MSI2: variants seen among roughly 807,000 people sequenced by gnomAD.
MSI2 encodes the protein musashi RNA binding protein 2, also known as RNA-binding protein Musashi homolog 2.
A neutral mutation model predicts 45.6 loss-of-function variants in MSI2; 17 were observed. The ratio of observed to expected loss-of-function variants is 0.37; its 90% CI spans 0.26 to 0.56. The LOEUF (loss-of-function observed/expected upper bound fraction) is 0.56, where lower values mean the gene tolerates loss of function less well. MSI2 is among the 20% of genes least tolerant of loss of function. The pLI is 0.77. For missense variants in MSI2, 293 were observed against 444.2 expected (o/e 0.66, Z 3.06); for synonymous variants, 156 against 158.2 (o/e 0.99, Z 0.11).
At chr17:57,357,969 T>G (rs1166850745) in intron 5 of MSI2, among the ~76,000 whole-genome samples, 2 of 152,192 alleles carry the variant, frequency 1.3e-5, no homozygotes, top group African/African-American at 4.8e-5. Context: ...TGAGGTCTTG[T>G]GGTCACACAC....
chr17:57,581,688 C>T (rs1302067493), intron 7 of MSI2, among the ~76,000 whole-genome samples: 2 of 152,154 alleles, frequency 1.3e-5, no homozygotes, highest in African/African-American at 4.8e-5. Context: ...TGCTCCAGAT[C>T]CCCAGGGCTG....
chr17:57,370,733 C>G (rs539936575), intron 5 of MSI2, among the ~76,000 whole-genome samples: 1 of 152,304 alleles, frequency 6.6e-6, no homozygotes, highest in South Asian at 2.1e-4. Context: ...AGGGATCATG[C>G]TGGGAAAGTT....
intron 5 of MSI2, among the ~76,000 whole-genome samples, chr17:57,323,167 C>T (rs1567756832): frequency 2.6e-5 from 4 of 152,016 alleles, no homozygotes; most frequent in African/African-American, 7.3e-5. Flanking sequence ...AGCAGCTGAC[C>T]CCAAGATTCC....
At chr17:57,420,103 G>A (rs1285475061) in intron 6 of MSI2, among the ~76,000 whole-genome samples, 2 of 152,186 alleles carry the variant, frequency 1.3e-5, no homozygotes, top group Non-Finnish European at 2.9e-5. Context: ...CCATCTGCTG[G>A]GTCCTGGGGT....
chr17:57,646,498 G>A (rs1014904282), intron 10 of MSI2, among the ~76,000 whole-genome samples: 13 of 152,210 alleles, frequency 8.5e-5, no homozygotes, highest in Non-Finnish European at 2.9e-5. Flanking sequence ...CCTCCCCGCA[G>A]ACAAGCTCAA....
intron 5 of MSI2, among the ~76,000 whole-genome samples, chr17:57,372,992 T>C (rs951049577): frequency 3.9e-5 from 6 of 152,214 alleles, no homozygotes; most frequent in African/African-American, 1.4e-4. Flanking sequence ...CTCACGACTG[T>C]AATCCCGACA....
intron 10 of MSI2, chr17:57,632,229 TG>T: frequency 9.1e-7 from 1 of 1,102,432 alleles, no homozygotes; most frequent in Non-Finnish European, 1.1e-6. Context: ...AGCTTTGAAG[TG>T]CTGGTGGTCC....
At chr17:57,519,719 C>T (rs969568991) in intron 6 of MSI2, among the ~76,000 whole-genome samples, 2 of 152,144 alleles carry the variant, frequency 1.3e-5, no homozygotes, top group African/African-American at 4.8e-5. Context: ...TTGGTTCATC[C>T]AGCAGACAGG....
intron 5 of MSI2, among the ~76,000 whole-genome samples, chr17:57,400,745 C>T (rs1000913198): frequency 6.6e-5 from 10 of 151,964 alleles, no homozygotes; most frequent in African/African-American, 2.4e-4. Flanking sequence ...AGAGGCACCC[C>T]AAGGAGAAGG....
chr17:57,474,217 G>C (rs2085495029), intron 6 of MSI2, among the ~76,000 whole-genome samples: 1 of 152,196 alleles, frequency 6.6e-6, no homozygotes, highest in Non-Finnish European at 1.5e-5. Context: ...ATTCATAGCA[G>C]TTGGGTCTAG....
intron 5 of MSI2, among the ~76,000 whole-genome samples, chr17:57,341,759 C>T (rs1378459035): frequency 2.0e-5 from 3 of 152,056 alleles, no homozygotes; most frequent in East Asian, 1.9e-4. Flanking sequence ...TTGTGGGCAC[C>T]GCCACAGATA....
At chr17:57,674,550 A>G (rs540392774) in intron 11 of MSI2, among the ~76,000 whole-genome samples, 9 of 152,140 alleles carry the variant, frequency 5.9e-5, no homozygotes, top group African/African-American at 1.9e-4. Context: ...TGCTGTCTCA[A>G]CGTGCCCAGA....
intron 5 of MSI2, among the ~76,000 whole-genome samples, chr17:57,374,042 A>G (rs1379842604): frequency 1.3e-5 from 2 of 152,214 alleles, no homozygotes; most frequent in African/African-American, 2.4e-5. Flanking sequence ...ATGATAAGAA[A>G]TAGACTTCAG....
intron 8 of MSI2, among the ~76,000 whole-genome samples, chr17:57,607,509 C>T (rs1189662040): frequency 6.6e-6 from 1 of 152,190 alleles, no homozygotes; most frequent in Non-Finnish European, 1.5e-5. Flanking sequence ...AAGTAGGTCC[C>T]CTGGTGCTTG....
In MSI2 at chr17:57,599,167, G is replaced by C. The variant is rs1049705442; in HGVS notation, c.537+2217G>C. 2.0e-5 allele frequency among the ~76,000 whole-genome samples: 3 copies of C among 152,232 alleles called. No homozygotes were observed. The East Asian group carries it at 5.8e-4, about 29-fold the overall frequency. ...GGTTCATCAGGAAAGGCCAGATGTA[G>C]ACCGGAAGGACATTGCTCCATTTGT... On this transcript the variant is annotated intron_variant, in intron 8 of 13. Coordinates refer to ENST00000284073, the MANE Select transcript of MSI2 (RefSeq NM_138962.4).
At chr17:57,516,757 G>A (rs1163160601) in intron 6 of MSI2, among the ~76,000 whole-genome samples, 2 of 152,212 alleles carry the variant, frequency 1.3e-5, no homozygotes, top group Non-Finnish European at 2.9e-5. Context: ...TACACACAAG[G>A]AAGCTGAGCT....
chr17:57,616,102 C>G lies in MSI2; in HGVS notation c.652+18C>G. ...GATGCTGGGTGAGTCTGGACAGGAC[C>G]GCAGGTCACCATGGACTGGGAGGGC... On this transcript the variant is annotated intron_variant, in intron 9 of 13. Transcript: ENST00000284073. 1 of 1,601,542 alleles carries G rather than the reference C, an allele frequency of 6.2e-7. No individual in the cohort carries two copies. The highest frequency in any genetic ancestry group is 8.5e-7 in the Non-Finnish European group (1 of 1,169,858).
intron 6 of MSI2, among the ~76,000 whole-genome samples, chr17:57,416,172 A>G (rs758847769): frequency 2.6e-5 from 4 of 152,068 alleles, no homozygotes; most frequent in Non-Finnish European, 5.9e-5. Context: ...GTCCCCAAGC[A>G]CTCAGTGCTT....
chr17:57,607,044 C>T (rs1388989769), intron 8 of MSI2, among the ~76,000 whole-genome samples: 2 of 152,060 alleles, frequency 1.3e-5, no homozygotes, highest in South Asian at 2.1e-4. Flanking sequence ...AACTACGAGG[C>T]GGGTAAGGCC....
Sources: allele counts gnomAD v4.1 joint callset (sites outside exome capture counted in the v4.1 genomes callset), GRCh38; gene constraint gnomAD v4.1.1; transcripts MANE v1.5; gene names NCBI Gene and HGNC (gene_info 2026-07-23, HGNC 2026-07-21).